Variants in GFOD1 observed in about 807,000 individuals in gnomAD.
GFOD1 encodes glucose-fructose oxidoreductase domain-containing protein 1.
Under a neutral mutation model 25.4 loss-of-function variants are expected in GFOD1, and 9 were observed. The observed-to-expected ratio is 0.35, with a 90% CI of 0.21 to 0.62. GFOD1 has a LOEUF of 0.62. Among genes scored for constraint, GFOD1 ranks in the 20% least tolerant of loss-of-function variants. The pLI, the probability that GFOD1 is intolerant of heterozygous loss-of-function variation, is 0.72. For missense variants in GFOD1, 403 were observed against 556.9 expected (o/e 0.72, Z 2.78); for synonymous variants, 253 against 245.6 (o/e 1.03, Z -0.28).
At chr6:13,486,296 A>G in intron 1 of GFOD1, 1 of 325,566 alleles carries the variant, frequency 3.1e-6, no homozygotes, top group Non-Finnish European at 5.2e-6. Context: ...ACAGCTGAGG[A>G]GTAACTTTCC....
rs754528423 is a variant in GFOD1 at position 13,365,391 on chromosome 6, G to T, written c.525C>A (p.Ser175=). 5 of 1,614,004 alleles carry T rather than the reference G, an allele frequency of 3.1e-6. No homozygotes were observed. The highest frequency in any genetic ancestry group is 4.2e-6 in the Non-Finnish European group (5 of 1,179,946). ...GCAGGTCGATGATGTAGGTGCCCAC[G>T]GAGTGCAGGCCGCCGCCGCCCATCA... ...DDLMGGGGLH[S]VGTYIIDLLT... The change falls in exon 2 of 2, where the codon TCC becomes TCA. Residue 175 remains serine (S), a synonymous_variant. Coordinates refer to ENST00000379287, the MANE Select transcript of GFOD1 (RefSeq NM_018988.4). The surrounding 1 kb of genome is among the most constrained non-coding windows in gnomAD (Gnocchi z 9.2).
intron 1 of GFOD1, among the ~76,000 whole-genome samples, chr6:13,393,598 T>C (rs537428791): frequency 6.6e-6 from 1 of 152,086 alleles, no homozygotes; most frequent in East Asian, 1.9e-4. Flanking sequence ...AGTCTGGTGA[T>C]AACAAAACTT....
In GFOD1 at chr6:13,411,063, G is replaced by A. The variant is rs114228046; in HGVS notation, c.254-45401C>T. Among the ~76,000 whole-genome samples, 441 of 152,356 alleles carry A rather than the reference G, an allele frequency of 2.9e-3. 5 individuals carry two copies. The highest frequency in any genetic ancestry group is 0.01 in the African/African-American group (422 of 41,584). ...CCTGCAAACAGCCAGCATGTATGCA[G>A]ACCTTTGAGTATGCTGTCATTGCGT... On this transcript the variant is annotated intron_variant, in intron 1 of 1. Coordinates refer to ENST00000379287, the MANE Select transcript of GFOD1 (RefSeq NM_018988.4).
chr6:13,468,224 T>A (rs1758411442), intron 1 of GFOD1, among the ~76,000 whole-genome samples: 1 of 152,190 alleles, frequency 6.6e-6, no homozygotes, highest in African/African-American at 2.4e-5. Flanking sequence ...AACAAGGCTA[T>A]CATCATAATA....
intron 1 of GFOD1, among the ~76,000 whole-genome samples, chr6:13,451,119 T>G (rs1758089800): frequency 6.6e-6 from 1 of 152,194 alleles, no homozygotes; most frequent in Admixed American, 6.5e-5. Flanking sequence ...TTTAGTGACA[T>G]CACAGAATTT....
chr6:13,419,741 G>A lies in GFOD1; in HGVS notation c.254-54079C>T, dbSNP rs141298831. 5.9e-3 allele frequency among the ~76,000 whole-genome samples: 894 copies of A among 152,198 alleles called. 8 individuals carry two copies. The highest frequency in any genetic ancestry group is 0.02 in the African/African-American group (835 of 41,522). ...CCACCTCCTCACGGTTGCGGGACAC[G>A]GAAACCCACTCCCACCCCCTTCGCA... is the stretch of plus-strand genomic sequence containing the variant. On this transcript the variant is annotated intron_variant, in intron 1 of 1. Coordinates refer to ENST00000379287, the MANE Select transcript of GFOD1 (RefSeq NM_018988.4).
At chr6:13,379,865 C>G (rs762770344) in intron 1 of GFOD1, among the ~76,000 whole-genome samples, 1 of 152,132 alleles carries the variant, frequency 6.6e-6, no homozygotes, top group Non-Finnish European at 1.5e-5. Context: ...ATTTGTCAGA[C>G]AGGGAAGTGA....
chr6:13,446,172 G>A (rs1439246561), intron 1 of GFOD1, among the ~76,000 whole-genome samples: 1 of 152,138 alleles, frequency 6.6e-6, no homozygotes, highest in Admixed American at 6.5e-5. Flanking sequence ...AGTTAACAAA[G>A]CTGCAGCTCT....
intron 1 of GFOD1, among the ~76,000 whole-genome samples, chr6:13,420,806 TGA>T (rs1285487867): frequency 6.6e-6 from 1 of 152,242 alleles, no homozygotes; most frequent in African/African-American, 2.4e-5. Context: ...TCTTCCTTTG[TGA>T]GGGAGTATAA....
intron 1 of GFOD1, among the ~76,000 whole-genome samples, chr6:13,382,266 C>G (rs1482316602): frequency 3.3e-5 from 5 of 151,960 alleles, no homozygotes; most frequent in African/African-American, 1.2e-4. Context: ...GGCTGTGTCC[C>G]CACCCAAATC....
At chr6:13,381,953 A>ACACACACACACACAC (rs1267564418) in intron 1 of GFOD1, among the ~76,000 whole-genome samples, 1 of 144,432 alleles carries the variant, frequency 6.9e-6, no homozygotes, top group East Asian at 2.1e-4. Flanking sequence ...ACACACACAC[A>ACACACACACACACAC]AACTTGCTGA....
At chr6:13,404,578 A>G (rs892815858) in intron 1 of GFOD1, among the ~76,000 whole-genome samples, 1 of 152,222 alleles carries the variant, frequency 6.6e-6, no homozygotes, top group African/African-American at 2.4e-5. Context: ...AGGGTGTTAC[A>G]AGAACTAAAT....
Position 13,363,555 on chromosome 6 carries a change from CTTTTTTTTTTTT to C in GFOD1, c.*1176_*1187del, listed in dbSNP as rs72062296. The C allele has an allele frequency of 8.9e-5, 7 of 78,970 alleles. No homozygotes were observed. Among genetic ancestry groups the C allele is most frequent in the South Asian group, 1.2e-3 (2 of 1,680 alleles). 4.9% of individuals were successfully genotyped at this position (78,970 alleles called of 1,614,324 possible). Reference sequence around the variant, plus strand: ...GCAAATGCTGGAGCTAAGGAAAATCCTTTTTTTTTTTTTTTTTTTTTTTTTTTTTGTAAGGAA... The same window carrying C: ...GCAAATGCTGGAGCTAAGGAAAATCCTTTTTTTTTTTTTTTTTGTAAGGAA... On this transcript the variant is annotated 3_prime_UTR_variant, in exon 2 of 2. Coordinates refer to ENST00000379287, the MANE Select transcript of GFOD1 (RefSeq NM_018988.4).
chr6:13,409,918 A>G (rs1199417257), intron 1 of GFOD1, among the ~76,000 whole-genome samples: 1 of 45,858 alleles, frequency 2.2e-5, no homozygotes, highest in Non-Finnish European at 6.5e-5. Context: ...GCGGGGCTCC[A>G]TTTCAAAAAA....
chr6:13,392,170 G>A (rs933185723), intron 1 of GFOD1, among the ~76,000 whole-genome samples: 2 of 151,886 alleles, frequency 1.3e-5, no homozygotes, highest in African/African-American at 4.8e-5. Flanking sequence ...AGACCAGCCT[G>A]GGCGACACAA....
At chr6:13,468,753 T>C (rs1283287292) in intron 1 of GFOD1, among the ~76,000 whole-genome samples, 1 of 152,176 alleles carries the variant, frequency 6.6e-6, no homozygotes, top group Non-Finnish European at 1.5e-5. Context: ...AGCAGTGTTC[T>C]CTTTCCACTA....
chr6:13,385,745 A>T (rs897511075), intron 1 of GFOD1, among the ~76,000 whole-genome samples: 6 of 152,212 alleles, frequency 3.9e-5, no homozygotes, highest in African/African-American at 1.4e-4. Flanking sequence ...GGTAAAATAC[A>T]GTGACTAAAA....
At chr6:13,480,194 AG>A (rs1758717096) in intron 1 of GFOD1, among the ~76,000 whole-genome samples, 1 of 152,232 alleles carries the variant, frequency 6.6e-6, no homozygotes, top group Non-Finnish European at 1.5e-5. Context: ...ATCAATGTGC[AG>A]CAAGATCAAA....
In GFOD1 at chr6:13,467,897, G is replaced by A. The variant is rs186674173; in HGVS notation, c.253+18741C>T. Among the ~76,000 whole-genome samples the A allele has an allele frequency of 1.6e-3, 248 of 152,258 alleles. 1 individual carries two copies. The highest frequency in any genetic ancestry group is 5.6e-3 in the African/African-American group (234 of 41,530). On this transcript the variant is annotated intron_variant, in intron 1 of 1. Coordinates refer to ENST00000379287, the MANE Select transcript of GFOD1 (RefSeq NM_018988.4). The stretch of plus-strand genomic sequence containing the variant: ...AACCACTTCCACTTCCTAGAAGACT[G>A]CCTTTTTCCTTTGGCCAAGGCTAAA...
Sources: allele counts gnomAD v4.1 joint callset (sites outside exome capture counted in the v4.1 genomes callset), GRCh38; gene constraint gnomAD v4.1.1; non-coding constraint Gnocchi (gnomAD v3.1); transcripts MANE v1.5; gene names NCBI Gene and HGNC (gene_info 2026-07-23, HGNC 2026-07-21).